HPSE2: variants seen among roughly 807,000 people sequenced by gnomAD.
HPSE2 encodes the protein heparanase 2 (inactive), also known as inactive heparanase-2.
In HPSE2, 38 loss-of-function variants were observed where a neutral mutation model predicts 60.5. The observed-to-expected ratio is 0.63, with a 90% confidence interval of 0.48 to 0.82. The LOEUF is 0.82. HPSE2 is among the 40% of genes least tolerant of loss of function. The pLI is 0.00. For missense variants in HPSE2, 713 were observed against 740.4 expected (o/e 0.96, Z 0.43); for synonymous variants, 295 against 293.2 (o/e 1.01, Z -0.06).
intron 3 of HPSE2, among the ~76,000 whole-genome samples, chr10:98,957,280 C>G (rs1210951162): frequency 1.3e-5 from 2 of 152,054 alleles, no homozygotes; most frequent in Non-Finnish European, 2.9e-5. Flanking sequence ...TAGCAGCTAC[C>G]CAAGAAATGG....
intron 3 of HPSE2, among the ~76,000 whole-genome samples, chr10:99,082,019 T>C (rs1843162156): frequency 6.6e-6 from 1 of 152,170 alleles, no homozygotes; most frequent in South Asian, 2.1e-4. Flanking sequence ...AACTAAAATG[T>C]GTTTCCTTTT....
At chr10:99,024,379 T>C (rs1957331415) in intron 3 of HPSE2, among the ~76,000 whole-genome samples, 1 of 152,034 alleles carries the variant, frequency 6.6e-6, no homozygotes, top group Non-Finnish European at 1.5e-5. Context: ...CCTCGGGGTA[T>C]CCTCAAACCA....
chr10:98,647,622 G>A (rs1348830112), intron 6 of HPSE2, among the ~76,000 whole-genome samples: 4 of 152,284 alleles, frequency 2.6e-5, no homozygotes, highest in South Asian at 2.1e-4. Context: ...CTATTCTGCC[G>A]CCTCGAAGCA....
intron 7 of HPSE2, among the ~76,000 whole-genome samples, chr10:98,622,012 C>A (rs1353090039): frequency 6.6e-6 from 1 of 152,180 alleles, no homozygotes; most frequent in East Asian, 1.9e-4. Context: ...CCTAGACATA[C>A]ACACCAAAGA....
intron 3 of HPSE2, among the ~76,000 whole-genome samples, chr10:99,090,472 C>T (rs951517042): frequency 1.3e-5 from 2 of 151,752 alleles, no homozygotes; most frequent in African/African-American, 2.4e-5. Context: ...AAGCAGTAAA[C>T]CATTACCAGA....
chr10:99,091,249 G>A lies in HPSE2; in HGVS notation c.610+52989C>T, dbSNP rs146236696. 1.6e-4 allele frequency among the ~76,000 whole-genome samples: 25 copies of A among 152,098 alleles called. No individual in the cohort carries two copies. In the East Asian group the frequency reaches 4.2e-3, roughly 26 times the overall value. ...TCTAACATATCCCAACCTTCTTTTC[G>A]CACTCAAAGAGACATAGAACTACAA... On this transcript the variant is annotated intron_variant, in intron 3 of 11. Coordinates refer to ENST00000370552, the MANE Select transcript of HPSE2 (RefSeq NM_021828.5).
At chr10:98,834,689 G>C (rs1243097992) in intron 3 of HPSE2, among the ~76,000 whole-genome samples, 1 of 152,112 alleles carries the variant, frequency 6.6e-6, no homozygotes, top group Non-Finnish European at 1.5e-5. Flanking sequence ...GGAGATCTGT[G>C]AGGTCCTTAC....
chr10:99,190,511 A>AGGC (rs998101838), intron 2 of HPSE2, among the ~76,000 whole-genome samples: 4 of 152,236 alleles, frequency 2.6e-5, no homozygotes, highest in Admixed American at 2.0e-4. Flanking sequence ...CCACACAGTT[A>AGGC]GAGTTCATAT....
chr10:99,031,170 T>C (rs1957489437), intron 3 of HPSE2, among the ~76,000 whole-genome samples: 1 of 152,170 alleles, frequency 6.6e-6, no homozygotes. Context: ...AAAGGCTGAA[T>C]GCTTGAGGGG....
At chr10:99,311,658 T>G in the HPSE2 span, among the ~76,000 whole-genome samples, 4 of 152,264 alleles carry the variant, frequency 2.6e-5, no homozygotes, top group South Asian at 4.1e-4. Context: ...GTCCTATTAA[T>G]AACCATATTG....
chr10:98,562,608 G>A (rs527322095), intron 9 of HPSE2, among the ~76,000 whole-genome samples: 65 of 151,918 alleles, frequency 4.3e-4, no homozygotes, highest in African/African-American at 1.4e-3. Flanking sequence ...CCAGCTACTC[G>A]GGAGGCTGAG....
At chr10:98,910,866 T>G (rs2135020325) in intron 3 of HPSE2, among the ~76,000 whole-genome samples, 1 of 152,340 alleles carries the variant, frequency 6.6e-6, no homozygotes, top group East Asian at 1.9e-4. Flanking sequence ...GCTCACAGAC[T>G]TCCTCTAAGA....
chr10:99,179,548 T>TGGAA, intron 2 of HPSE2, among the ~76,000 whole-genome samples: 1 of 152,036 alleles, frequency 6.6e-6, no homozygotes, highest in Non-Finnish European at 1.5e-5. Context: ...GGAATCCAAC[T>TGGAA]TACAAGGGAT....
intron 3 of HPSE2, among the ~76,000 whole-genome samples, chr10:99,027,466 T>TAAAA (rs1486511220): frequency 2.0e-5 from 3 of 152,094 alleles, no homozygotes; most frequent in Non-Finnish European, 4.4e-5. Flanking sequence ...AAAGTTGTAA[T>TAAAA]AAAAAGTTTC....
chr10:99,173,243 G>A (rs1002614718), intron 2 of HPSE2, among the ~76,000 whole-genome samples: 1 of 152,076 alleles, frequency 6.6e-6, no homozygotes, highest in Non-Finnish European at 1.5e-5. Context: ...ATAGTATACT[G>A]CTATGCTCTA....
chr10:99,152,829 A>G (rs555970286), intron 2 of HPSE2, among the ~76,000 whole-genome samples: 3 of 152,220 alleles, frequency 2.0e-5, no homozygotes, highest in Non-Finnish European at 4.4e-5. Flanking sequence ...CTGCATTTCC[A>G]TCTGAGGTAC....
intron 3 of HPSE2, among the ~76,000 whole-genome samples, chr10:98,854,051 A>G (rs2134747002): frequency 6.6e-6 from 1 of 152,320 alleles, no homozygotes; most frequent in Non-Finnish European, 1.5e-5. Flanking sequence ...CTAGAATAAT[A>G]CAACAAAAAA....
At chr10:98,941,764 A>G (rs1395383234) in intron 3 of HPSE2, among the ~76,000 whole-genome samples, 1 of 137,520 alleles carries the variant, frequency 7.3e-6, no homozygotes, top group African/African-American at 3.1e-5. Context: ...AAGAGCCCGC[A>G]TCGCCAAGTC....
intron 3 of HPSE2, among the ~76,000 whole-genome samples, chr10:99,022,614 A>G (rs1168819711): frequency 6.6e-6 from 1 of 152,124 alleles, no homozygotes; most frequent in Non-Finnish European, 1.5e-5. Flanking sequence ...AGGAGAAAAG[A>G]AAGAGTAGGG....
Sources: gnomAD v4.1 joint callset for allele counts (sites outside exome capture counted in the v4.1 genomes callset) on GRCh38, gnomAD v4.1.1 for gene constraint, MANE v1.5 for transcripts, NCBI Gene and HGNC (gene_info 2026-07-23, HGNC 2026-07-21) for gene names.